CDKAL1: variants seen among roughly 807,000 people sequenced by gnomAD.
CDKAL1 encodes the protein CDKAL1 threonylcarbamoyladenosine tRNA methylthiotransferase, also known as threonylcarbamoyladenosine tRNA methylthiotransferase.
CDKAL1 carries 32 observed loss-of-function variants against 68.2 expected under a neutral mutation model. That is an observed-to-expected ratio of 0.47 (90% CI 0.35 to 0.63). The LOEUF is 0.63. Among genes scored for constraint, CDKAL1 ranks in the 30% least tolerant of loss-of-function variants. The pLI is 0.00. For synonymous variants in CDKAL1, 234 were observed against 244.3 expected (o/e 0.96, Z 0.39); for missense variants, 606 against 696.7 (o/e 0.87, Z 1.47).
chr6:21,088,222 C>T (rs966348898), intron 12 of CDKAL1, among the ~76,000 whole-genome samples: 2 of 152,060 alleles, frequency 1.3e-5, no homozygotes, highest in African/African-American at 2.4e-5. Flanking sequence ...GGTTCAAAAA[C>T]AAAGATAGTA....
chr6:20,719,421 T>C (rs1280568516), intron 5 of CDKAL1, among the ~76,000 whole-genome samples: 1 of 152,208 alleles, frequency 6.6e-6, no homozygotes, highest in Admixed American at 6.5e-5. Flanking sequence ...TTTCTACTAA[T>C]ACGAGTGTAC....
intron 7 of CDKAL1, among the ~76,000 whole-genome samples, chr6:20,759,094 A>AT (rs1774358566): frequency 6.6e-6 from 1 of 152,162 alleles, no homozygotes; most frequent in Non-Finnish European, 1.5e-5. Flanking sequence ...AGCTATAATC[A>AT]TGTAACTGCA....
intron 4 of CDKAL1, among the ~76,000 whole-genome samples, chr6:20,642,116 A>C (rs756802126): frequency 3.3e-5 from 5 of 152,178 alleles, no homozygotes; most frequent in Non-Finnish European, 7.4e-5. Context: ...GTATATCAGG[A>C]TAAATTCCTA....
At chr6:20,964,397 A>T (rs1295354399) in intron 10 of CDKAL1, among the ~76,000 whole-genome samples, 1 of 152,236 alleles carries the variant, frequency 6.6e-6, no homozygotes, top group African/African-American at 2.4e-5. Context: ...TAGCAGAGAC[A>T]TGGAATCAAC....
At chr6:21,198,891 G>T (rs1778574637) in intron 14 of CDKAL1, among the ~76,000 whole-genome samples, 2 of 152,266 alleles carry the variant, frequency 1.3e-5, no homozygotes, top group Middle Eastern at 3.4e-3. Flanking sequence ...CCTCTTTCAG[G>T]GTCATTGACC....
At chr6:20,943,604 T>C (rs925932928) in intron 9 of CDKAL1, among the ~76,000 whole-genome samples, 1 of 152,132 alleles carries the variant, frequency 6.6e-6, no homozygotes, top group African/African-American at 2.4e-5. Context: ...TACTAGGTCT[T>C]CAAGTTCATC....
At chr6:20,889,021 C>G (rs1036402163) in intron 9 of CDKAL1, among the ~76,000 whole-genome samples, 5 of 152,204 alleles carry the variant, frequency 3.3e-5, no homozygotes, top group African/African-American at 1.2e-4. Flanking sequence ...TCCACATCCT[C>G]TCCAGCACCT....
intron 13 of CDKAL1, among the ~76,000 whole-genome samples, chr6:21,186,339 T>C (rs2151091864): frequency 6.6e-6 from 1 of 152,326 alleles, no homozygotes; most frequent in Admixed American, 6.5e-5. Context: ...TGGGGGGGAA[T>C]GTAAGATTTA....
chr6:20,788,456 G>A (rs1239794598), intron 8 of CDKAL1, among the ~76,000 whole-genome samples: 1 of 152,144 alleles, frequency 6.6e-6, no homozygotes, highest in Non-Finnish European at 1.5e-5. Flanking sequence ...CTTAATCTTT[G>A]TCATGAGCCG....
intron 13 of CDKAL1, among the ~76,000 whole-genome samples, chr6:21,179,634 G>C (rs1777716081): frequency 6.6e-6 from 1 of 152,158 alleles, no homozygotes. Flanking sequence ...ATTTTAAGCT[G>C]TTATTACCTT....
intron 12 of CDKAL1, among the ~76,000 whole-genome samples, chr6:21,083,609 A>G (rs1772532092): frequency 6.6e-6 from 1 of 152,176 alleles, no homozygotes; most frequent in South Asian, 2.1e-4. Context: ...GAAATTTAAC[A>G]TTGACACAGT....
chr6:21,045,764 G>C (rs985558147), intron 11 of CDKAL1, among the ~76,000 whole-genome samples: 8 of 152,162 alleles, frequency 5.3e-5, no homozygotes, highest in African/African-American at 1.9e-4. Flanking sequence ...TAATATGAGA[G>C]TAGCAATCTA....
intron 9 of CDKAL1, among the ~76,000 whole-genome samples, chr6:20,867,826 A>G (rs964771526): frequency 4.6e-5 from 7 of 152,186 alleles, no homozygotes; most frequent in Non-Finnish European, 1.0e-4. Flanking sequence ...AACTAGCACT[A>G]TCAAAAGCTT....
intron 13 of CDKAL1, among the ~76,000 whole-genome samples, chr6:21,165,612 T>C (rs1777119477): frequency 6.6e-6 from 1 of 152,212 alleles, no homozygotes; most frequent in Non-Finnish European, 1.5e-5. Context: ...ATTACTGTGT[T>C]GACGTATAGT....
At chr6:20,599,173 A>G (rs1017535950) in intron 4 of CDKAL1, among the ~76,000 whole-genome samples, 2 of 152,028 alleles carry the variant, frequency 1.3e-5, no homozygotes, top group Non-Finnish European at 2.9e-5. Context: ...ATATCCTTCC[A>G]GAGTTTATAC....
intron 11 of CDKAL1, among the ~76,000 whole-genome samples, chr6:21,059,334 T>C (rs1771012822): frequency 6.6e-6 from 1 of 152,190 alleles, no homozygotes; most frequent in Non-Finnish European, 1.5e-5. Context: ...AGGAACTCGG[T>C]CATCTTAGGC....
intron 4 of CDKAL1, among the ~76,000 whole-genome samples, chr6:20,616,131 T>C (rs1461544055): frequency 6.6e-6 from 1 of 150,492 alleles, no homozygotes; most frequent in African/African-American, 2.4e-5. Context: ...TTCTGTTCCA[T>C]TGATCTATAT....
intron 13 of CDKAL1, among the ~76,000 whole-genome samples, chr6:21,163,971 A>G (rs1287344177): frequency 6.6e-6 from 1 of 151,864 alleles, no homozygotes; most frequent in Non-Finnish European, 1.5e-5. Context: ...AAAAGAAAAG[A>G]AAAAGAAATA....
At chr6:20,848,806 T>G (rs1758840204) in intron 9 of CDKAL1, among the ~76,000 whole-genome samples, 1 of 151,626 alleles carries the variant, frequency 6.6e-6, no homozygotes, top group Non-Finnish European at 1.5e-5. Flanking sequence ...TTTTTTTTTT[T>G]TGGTGACAGG....
Sources: gnomAD v4.1 joint callset for allele counts (sites outside exome capture counted in the v4.1 genomes callset) on GRCh38, gnomAD v4.1.1 for gene constraint, MANE v1.5 for transcripts, NCBI Gene and HGNC (gene_info 2026-07-23, HGNC 2026-07-21) for gene names.